Variants in WBP2NL observed in about 807,000 individuals in gnomAD.
WBP2NL encodes the protein WBP2 N-terminal like, also known as postacrosomal sheath WW domain-binding protein.
Under a neutral mutation model 23.3 loss-of-function variants are expected in WBP2NL, and 27 were observed. The ratio of observed to expected loss-of-function variants is 1.16; its 90% CI spans 0.85 to 1.60. WBP2NL has a LOEUF of 1.60. Among genes scored for constraint, WBP2NL ranks in the 40% most tolerant of loss-of-function variants. WBP2NL has a pLI of 0.00. For synonymous variants in WBP2NL, 151 were observed against 145.9 expected, an observed-to-expected ratio of 1.03 and a Z score of -0.25; for missense variants, 370 against 389.5, an observed-to-expected ratio of 0.95 and a Z score of 0.42.
At chr22:42,030,937 ACTTCT>A (rs1344117550), downstream of WBP2NL, 2 of 152,182 alleles carry the variant, frequency 1.3e-5, no homozygotes, top group Non-Finnish European at 2.9e-5. Flanking sequence ...TACAAACTAG[ACTTCT>A]CTTCTGCTCT....
intron 1 of WBP2NL, among the ~76,000 whole-genome samples, chr22:42,004,152 AT>A (rs1921983483): frequency 6.6e-6 from 1 of 152,182 alleles, no homozygotes; most frequent in Non-Finnish European, 1.5e-5. Context: ...CATGCCTGTA[AT>A]CCCAGCTATT....
downstream of WBP2NL, among the ~76,000 whole-genome samples, chr22:42,033,846 C>A (rs559772234): frequency 6.6e-6 from 1 of 152,262 alleles, no homozygotes; most frequent in South Asian, 2.1e-4. Context: ...AAGTACATAT[C>A]GATTGGTCCA....
At chr22:41,998,924 G>A in intron 1 of WBP2NL, 44 bp downstream of exon 1, 1 of 1,577,036 alleles carries the variant, frequency 6.3e-7, no homozygotes, top group Non-Finnish European at 8.6e-7. Flanking sequence ...GAGAGGAGAC[G>A]AATGAGATAG....
intron 8 of WBP2NL, among the ~76,000 whole-genome samples, chr22:42,049,976 CAAAAAAAAAAAAA>C (rs34787117): frequency 0.087 from 7,404 of 84,852 alleles, 718 homozygotes; most frequent in African/African-American, 0.26. Flanking sequence ...GACTCCGTCT[CAAAAAAAAAAAAA>C]AAAAAAAAAA....
intron 1 of WBP2NL, among the ~76,000 whole-genome samples, chr22:42,015,770 T>G (rs1404931565): frequency 6.6e-6 from 1 of 152,076 alleles, no homozygotes; most frequent in Non-Finnish European, 1.5e-5. Context: ...GTGTGTGTGT[T>G]TCATTTTTTG....
rs1414948065 is a variant in WBP2NL, at chr22:42,000,704, G to T, written c.62+1824G>T. Among the ~76,000 whole-genome samples, 53 of 151,954 alleles carry T rather than the reference G, an allele frequency of 3.5e-4. 1 individual carries two copies. Among genetic ancestry groups the T allele is most frequent in the Admixed American group, 3.1e-3 (47 of 15,268 alleles). ...AGCACTTTGGGAGGCCCAGGTGGGT[G>T]GATCACAAGATCGGGAGTTCAGGAG... On this transcript the variant is annotated intron_variant, in intron 1 of 5. Coordinates refer to ENST00000328823, the MANE Select transcript of WBP2NL (RefSeq NM_152613.3).
chr22:42,027,176 T>G lies in WBP2NL; in HGVS notation c.925T>G (p.Ser309Ala), dbSNP rs138993230. Residue 309 changes from serine to alanine, a missense_variant, in exon 6 of 6, where the codon TCT becomes GCT. Physicochemically the swap from Ser to Ala is moderately conservative, Grantham distance 99. Coordinates refer to ENST00000328823, the MANE Select transcript of WBP2NL (RefSeq NM_152613.3). ...CTCTGCCTCCTCTTCTCAGGTCCAT[T>G]CTTAACCTTCTAAGATGTAAACCTT... is the stretch of plus-strand genomic sequence containing the variant. ...LPSASSSQVH[S>A] The G allele has an allele frequency of 6.7e-5, 108 of 1,606,270 alleles. No individual in the cohort carries two copies. Among genetic ancestry groups the G allele is most frequent in the Non-Finnish European group, 8.6e-5 (101 of 1,176,816 alleles).
At chr22:42,016,718 G>C (rs955358144) in intron 1 of WBP2NL, among the ~76,000 whole-genome samples, 2 of 152,080 alleles carry the variant, frequency 1.3e-5, no homozygotes, top group East Asian at 1.9e-4. Context: ...CTAATGTCCT[G>C]TATTTTCATA....
rs553551556 is a variant in WBP2NL at position 42,000,483 on chromosome 22, G to GTGAC, written c.62+1607_62+1610dup. On this transcript the variant is annotated intron_variant, in intron 1 of 5. Coordinates refer to ENST00000328823, the MANE Select transcript of WBP2NL (RefSeq NM_152613.3). ...TCTCCAAATTTGTTATTTATTAGGAGTGACTGAAATAAAAAACATAATTGA... is the reference window on the plus strand; with the variant it reads ...TCTCCAAATTTGTTATTTATTAGGAGTGACTGACTGAAATAAAAAACATAATTGA... Among the ~76,000 whole-genome samples, 4 of 152,132 alleles carry GTGAC rather than the reference G, an allele frequency of 2.6e-5. No homozygotes were observed. The South Asian group carries it at 8.3e-4, about 31-fold the overall frequency.
chr22:42,018,685 A>G (rs1311751186), intron 1 of WBP2NL, among the ~76,000 whole-genome samples: 4 of 152,104 alleles, frequency 2.6e-5, no homozygotes, highest in South Asian at 2.1e-4. Context: ...AACCATTTCT[A>G]TTAGCACAGT....
chr22:42,028,066 A>G lies in WBP2NL; in HGVS notation c.*885A>G. ...AAAATATGCCTGCGAGAAAACTTGCATGTGTGCACAAAGATGCATGTGGGA... is the reference window on the plus strand; with the variant it reads ...AAAATATGCCTGCGAGAAAACTTGCGTGTGTGCACAAAGATGCATGTGGGA... On this transcript the variant is annotated 3_prime_UTR_variant, in exon 6 of 6. Transcript: ENST00000328823. 2.5e-6 allele frequency: 1 copy of G among 398,512 alleles called. No individual in the cohort carries two copies. The allele number at this position is 398,512 out of a possible 1,614,324, so 24.7% of individuals were successfully genotyped here. A position where few individuals can be genotyped will look rare whatever the true frequency, so the allele number is the denominator to read the frequency against.
chr22:42,054,074 A>G (rs1925941062), intron 8 of WBP2NL, among the ~76,000 whole-genome samples: 2 of 152,190 alleles, frequency 1.3e-5, no homozygotes, highest in South Asian at 4.1e-4. Flanking sequence ...TTACAAGTGT[A>G]TGCGACTGTG....
At chr22:42,017,859 A>G (rs747977042) in intron 1 of WBP2NL, among the ~76,000 whole-genome samples, 1 of 152,018 alleles carries the variant, frequency 6.6e-6, no homozygotes, top group African/African-American at 2.4e-5. Flanking sequence ...TAAAAATACA[A>G]AAAAATTGGC....
chr22:42,008,136 C>T (rs185166804), intron 1 of WBP2NL, among the ~76,000 whole-genome samples: 7 of 137,566 alleles, frequency 5.1e-5, no homozygotes, highest in Non-Finnish European at 9.3e-5. Flanking sequence ...CCTTTCCTTT[C>T]CTTTCCTTTC....
At chr22:42,040,754 C>CTT (rs889847825) in intron 8 of WBP2NL, among the ~76,000 whole-genome samples, 73 of 152,178 alleles carry the variant, frequency 4.8e-4, no homozygotes, top group African/African-American at 1.5e-3. Context: ...TAGTTCTTTC[C>CTT]ACTGTGGCCT....
intron 8 of WBP2NL, among the ~76,000 whole-genome samples, chr22:42,046,238 T>TTA (rs1425697827): frequency 1.3e-5 from 2 of 152,200 alleles, no homozygotes; most frequent in African/African-American, 4.8e-5. Context: ...CAGCTTTACT[T>TTA]TATAAGGTTG....
intron 1 of WBP2NL, chr22:42,002,007 C>T (rs930315607): frequency 3.1e-5 from 24 of 779,810 alleles, no homozygotes; most frequent in East Asian, 5.8e-5. Context: ...GGGACTGGTC[C>T]GAGAATCGGC....
At chr22:42,055,661 G>T (rs1297941320) in intron 8 of WBP2NL, among the ~76,000 whole-genome samples, 3 of 152,234 alleles carry the variant, frequency 2.0e-5, no homozygotes. Context: ...AACATTTATT[G>T]TTGAATTATC....
downstream of WBP2NL, among the ~76,000 whole-genome samples, chr22:42,028,904 G>T (rs139927678): frequency 2.6e-5 from 4 of 152,130 alleles, no homozygotes; most frequent in African/African-American, 9.7e-5. Context: ...TTGCATCTTC[G>T]ACTCCTCACC....
Sources: allele counts gnomAD v4.1 joint callset (sites outside exome capture counted in the v4.1 genomes callset), GRCh38; gene constraint gnomAD v4.1.1; transcripts MANE v1.5; gene names NCBI Gene and HGNC (gene_info 2026-07-23, HGNC 2026-07-21).